The following GMNC variants were observed in gnomAD, a reference collection of about 807,000 sequenced individuals.
The protein encoded by GMNC is geminin coiled-coil domain-containing protein 1.
GMNC carries 16 observed loss-of-function variants against 33.6 expected under a neutral mutation model. The ratio of observed to expected loss-of-function variants is 0.48; its 90% CI spans 0.32 to 0.72. GMNC has a LOEUF of 0.72. Among genes scored for constraint, GMNC ranks in the 30% least tolerant of loss-of-function variants. The pLI, the probability that GMNC is intolerant of heterozygous loss-of-function variation, is 0.03. For synonymous variants in GMNC, 156 were observed against 147.3 expected, an observed-to-expected ratio of 1.06 and a Z score of -0.43; for missense variants, 393 against 388.9, an observed-to-expected ratio of 1.01 and a Z score of -0.09.
rs1359262976 is a variant in GMNC at position 190,855,586 on chromosome 3, T to G, written c.714A>C (p.Arg238Ser). 2 of 1,551,198 alleles carry G rather than the reference T, an allele frequency of 1.3e-6. No individual in the cohort carries two copies. Among genetic ancestry groups the G allele is most frequent in the Non-Finnish European group, 1.7e-6 (2 of 1,146,692 alleles). ...DDAVDYKNIP[R>S]EDMPIDYRGD... ...CTCTATAGTCAATTGGCATATCCTC[T>G]CTGGGGATATTTTTATAATCAACTG... Residue 238 changes from arginine to serine, a missense_variant, in exon 5 of 5, where the codon AGA becomes AGC. Transcript: ENST00000442080.
At position 190,856,358 on chromosome 3, in the gene GMNC, T is replaced by C. The variant is rs931915631; in HGVS notation, c.385-443A>G. ...AAATAAAAATATTTATTAATATATA[T>C]TTATAAATATTTAGAAATAGATATA... On this transcript the variant is annotated intron_variant, in intron 4 of 4. Transcript: ENST00000442080. 1.1e-4 allele frequency among the ~76,000 whole-genome samples: 16 copies of C among 142,600 alleles called. 1 individual carries two copies. Among genetic ancestry groups the C allele is most frequent in the African/African-American group, 4.1e-4 (16 of 38,748 alleles). 93.6% of individuals were successfully genotyped at this position (142,600 alleles called of 152,430 possible).
In GMNC at chr3:190,861,046, A is replaced by G. The variant is rs961717639; in HGVS notation, c.4-188T>C. Among the ~76,000 whole-genome samples, 5 of 152,168 alleles carry G rather than the reference A, an allele frequency of 3.3e-5. No homozygotes were observed. The highest frequency in any genetic ancestry group is 1.2e-4 in the African/African-American group (5 of 41,438). ...GGTCAAATTATAATTACTAAAAGGG[A>G]ATGAGTTTCTTGGTTTACCCAGAAT... On this transcript the variant is annotated intron_variant, in intron 1 of 4. Coordinates refer to ENST00000442080, the MANE Select transcript of GMNC (RefSeq NM_001146686.3). This position sits in a 1 kb window ranked among gnomAD's most constrained non-coding sequence, Gnocchi z 5.1.
At chr3:190,847,631 G>A in the GMNC span, among the ~76,000 whole-genome samples, 2 of 152,120 alleles carry the variant, frequency 1.3e-5, no homozygotes, top group African/African-American at 2.4e-5. Flanking sequence ...TCCAGGTCAT[G>A]TTGCTGCAGC....
chr3:190,850,077 A>T (rs1737609981), downstream of GMNC, among the ~76,000 whole-genome samples: 1 of 152,172 alleles, frequency 6.6e-6, no homozygotes, highest in African/African-American at 2.4e-5. Flanking sequence ...CCGCTTTTCC[A>T]TCCTACTCTA....
At chr3:190,850,483 T>TG (rs890346521), downstream of GMNC, among the ~76,000 whole-genome samples, 1 of 152,140 alleles carries the variant, frequency 6.6e-6, no homozygotes, top group African/African-American at 2.4e-5. Context: ...ACTGGGAAGA[T>TG]GGGGAAGAGC....
At chr3:190,860,444 A>G (rs1296670260) in intron 2 of GMNC, among the ~76,000 whole-genome samples, 2 of 152,218 alleles carry the variant, frequency 1.3e-5, no homozygotes, top group Non-Finnish European at 2.9e-5. Context: ...GGACTCTCCA[A>G]GAACTGTAAA....
intron 4 of GMNC, among the ~76,000 whole-genome samples, chr3:190,856,379 A>G (rs944317320): frequency 7.0e-6 from 1 of 142,200 alleles, no homozygotes; most frequent in African/African-American, 2.6e-5. Context: ...TTAGAAATAG[A>G]TATATTTATA....
intron 2 of GMNC, chr3:190,859,654 T>A (rs1039405297): frequency 3.4e-6 from 1 of 292,416 alleles, no homozygotes; most frequent in African/African-American, 2.2e-5. Context: ...AATCTGTATA[T>A]TTTATAAATG....
Position 190,853,619 on chromosome 3 carries a change from C to T in GMNC, c.*1676G>A, listed in dbSNP as rs1324641935. On this transcript the variant is annotated 3_prime_UTR_variant, in exon 5 of 5. Coordinates refer to ENST00000442080, the MANE Select transcript of GMNC (RefSeq NM_001146686.3). ...CTCTGTTACAAAGAATCCTAACCAA[C>T]ACAGTTGACCTACGAGATATTGATT... 1 of 151,936 alleles carries T rather than the reference C, an allele frequency of 6.6e-6. No individual in the cohort carries two copies. Among genetic ancestry groups the T allele is most frequent in the Non-Finnish European group, 1.5e-5 (1 of 67,960 alleles). The allele number at this position is 151,936 out of a possible 1,614,324, so 9.4% of individuals were successfully genotyped here.
chr3:190,847,885 A>G (rs80143791), downstream of GMNC, among the ~76,000 whole-genome samples: 8,002 of 152,246 alleles, frequency 0.053, 264 homozygotes, highest in East Asian at 0.16. Context: ...TACATTTAAG[A>G]TCTTTACAGA....
At position 190,855,877 on chromosome 3, in the gene GMNC, T is replaced by A; in HGVS notation, c.423A>T (p.Gly141=). 6.4e-7 allele frequency: 1 copy of A among 1,551,018 alleles called. No individual in the cohort carries two copies. Among genetic ancestry groups the A allele is most frequent in the Non-Finnish European group, 8.7e-7 (1 of 1,146,442 alleles). ...LSSDEFSKAY[G]KFRKGKRKSK... ...ATTTTCTCTTCCCCTTCCTGAATTT[T>A]CCATATGCTTTGGAGAACTCATCAG... The change falls in exon 5 of 5, where the codon GGA becomes GGT. Residue 141 remains glycine, a synonymous_variant. Coordinates refer to ENST00000442080, the MANE Select transcript of GMNC (RefSeq NM_001146686.3).
chr3:190,854,688 G>C lies in GMNC; in HGVS notation c.*607C>G, dbSNP rs1316900827. The C allele has an allele frequency of 4.6e-5, 7 of 152,582 alleles. No individual in the cohort carries two copies. The highest frequency in any genetic ancestry group is 4.6e-4 in the Admixed American group (7 of 15,334). The allele number at this position is 152,582 out of a possible 1,614,324, so 9.5% of individuals were successfully genotyped here. A position where few individuals can be genotyped will look rare whatever the true frequency, so the allele number is the denominator to read the frequency against. On this transcript the variant is annotated 3_prime_UTR_variant, in exon 5 of 5. Transcript: ENST00000442080. Reference sequence around the variant, plus strand: ...ATTGATTATTAGTGGAGTTACAGTTGTTTTAAGAGGCTTTGTCAATGCCAC... The same window carrying C: ...ATTGATTATTAGTGGAGTTACAGTTCTTTTAAGAGGCTTTGTCAATGCCAC...
At chr3:190,859,648 T>G in intron 2 of GMNC, 1 of 290,762 alleles carries the variant, frequency 3.4e-6, no homozygotes, top group South Asian at 3.5e-5. Context: ...TGTCCTAATC[T>G]GTATATTTTA....
chr3:190,854,866 A>G lies in GMNC; in HGVS notation c.*429T>C. 1 of 189,540 alleles carries G rather than the reference A, an allele frequency of 5.3e-6. No individual in the cohort carries two copies. Among genetic ancestry groups the G allele is most frequent in the East Asian group, 1.2e-4 (1 of 8,140 alleles). 11.7% of individuals were successfully genotyped at this position (189,540 alleles called of 1,614,324 possible). A position where few individuals can be genotyped will look rare whatever the true frequency, so the allele number is the denominator to read the frequency against. ...AGTAGCAAGTACTTGAAGCAAAAAT[A>G]GGGCTCATTCTAAAGACAGTTTTCA... On this transcript the variant is annotated 3_prime_UTR_variant, in exon 5 of 5. Transcript: ENST00000442080.
the GMNC span, among the ~76,000 whole-genome samples, chr3:190,845,750 G>A: frequency 6.6e-6 from 1 of 151,816 alleles, no homozygotes; most frequent in African/African-American, 2.4e-5. Flanking sequence ...CAAGTGATCC[G>A]CCTGCCTTAG....
rs749774904 is a variant in GMNC at position 190,852,842 on chromosome 3, A to C, written c.*2453T>G. On this transcript the variant is annotated 3_prime_UTR_variant, in exon 5 of 5. Coordinates refer to ENST00000442080, the MANE Select transcript of GMNC (RefSeq NM_001146686.3). ...TAAAATATTAACTGTGGTTTACCAG[A>C]GAGACATGGTGAAGCCATACAAGTA... 2.0e-5 allele frequency: 3 copies of C among 152,206 alleles called. No individual in the cohort carries two copies. The highest frequency in any genetic ancestry group is 4.4e-5 in the Non-Finnish European group (3 of 68,004). 9.4% of individuals were successfully genotyped at this position (152,206 alleles called of 1,614,324 possible). A position where few individuals can be genotyped will look rare whatever the true frequency, so the allele number is the denominator to read the frequency against.
At position 190,858,922 on chromosome 3, in the gene GMNC, A is replaced by G; in HGVS notation, c.267+6T>C. 6.6e-7 allele frequency: 1 copy of G among 1,521,070 alleles called. No individual in the cohort carries two copies. Among genetic ancestry groups the G allele is most frequent in the African/African-American group, 1.4e-5 (1 of 72,498 alleles). 94.2% of individuals were successfully genotyped at this position (1,521,070 alleles called of 1,614,324 possible). On this transcript the variant is annotated splice_donor_region_variant and intron_variant, in intron 3 of 4. Coordinates refer to ENST00000442080, the MANE Select transcript of GMNC (RefSeq NM_001146686.3). ...GACCAGTCTCAATGTTCTGACTTACACATACCTGCTTATTTCTGTAGAGCT... is the reference window on the plus strand; with the variant it reads ...GACCAGTCTCAATGTTCTGACTTACGCATACCTGCTTATTTCTGTAGAGCT...
At chr3:190,857,405 A>G (rs956116061) in intron 4 of GMNC, among the ~76,000 whole-genome samples, 2 of 152,230 alleles carry the variant, frequency 1.3e-5, no homozygotes, top group African/African-American at 4.8e-5. Context: ...GGATCTAAGT[A>G]AGAATGATTT....
chr3:190,852,124 G>A (rs1737644346), downstream of GMNC, among the ~76,000 whole-genome samples: 2 of 151,916 alleles, frequency 1.3e-5, no homozygotes, highest in Admixed American at 1.3e-4. Context: ...GAATCTTTTG[G>A]TAAACTGAAA....
Sources: gnomAD v4.1 joint callset for allele counts (sites outside exome capture counted in the v4.1 genomes callset) on GRCh38, gnomAD v4.1.1 for gene constraint, Gnocchi (gnomAD v3.1) non-coding constraint, MANE v1.5 for transcripts, NCBI Gene and HGNC (gene_info 2026-07-23, HGNC 2026-07-21) for gene names.